KIAA0825: variants seen among roughly 807,000 people sequenced by gnomAD.
KIAA0825 encodes uncharacterized protein KIAA0825.
KIAA0825 carries 119 observed loss-of-function variants against 147.6 expected under a neutral mutation model. The observed-to-expected ratio is 0.81, with a 90% CI of 0.69 to 0.94. The LOEUF is 0.94. Ranked by LOEUF, KIAA0825 falls within the 40% of genes least tolerant of loss-of-function variation. KIAA0825 has a pLI of 0.00. For synonymous variants in KIAA0825, 470 were observed against 518.1 expected (o/e 0.91, Z 1.26); for missense variants, 1,381 against 1,472.7 (o/e 0.94, Z 1.02).
intron 20 of KIAA0825, among the ~76,000 whole-genome samples, chr5:94,221,380 C>T (rs1291749862): frequency 2.0e-5 from 3 of 152,218 alleles, no homozygotes; most frequent in Non-Finnish European, 4.4e-5. Flanking sequence ...ACAAGTTCCA[C>T]CAAACCATGC....
At chr5:94,255,192 C>T (rs540999697) in intron 20 of KIAA0825, among the ~76,000 whole-genome samples, 1 of 151,002 alleles carries the variant, frequency 6.6e-6, no homozygotes, top group East Asian at 2.0e-4. Context: ...AAATATATGA[C>T]TGTGGACCCT....
chr5:94,445,983 G>A (rs1757675349), intron 13 of KIAA0825, among the ~76,000 whole-genome samples: 1 of 152,158 alleles, frequency 6.6e-6, no homozygotes, highest in Non-Finnish European at 1.5e-5. Context: ...GTCCCGCAGA[G>A]CAGTTTTTCA....
At chr5:94,485,134 G>A (rs1309816010) in intron 5 of KIAA0825, among the ~76,000 whole-genome samples, 1 of 151,732 alleles carries the variant, frequency 6.6e-6, no homozygotes, top group Non-Finnish European at 1.5e-5. Context: ...TTCTGTTTCA[G>A]GCAAATATAG....
intron 20 of KIAA0825, among the ~76,000 whole-genome samples, chr5:94,252,392 C>T (rs1776007141): frequency 6.6e-6 from 1 of 151,760 alleles, no homozygotes; most frequent in Non-Finnish European, 1.5e-5. Context: ...TGCTAAATAA[C>T]TCTATACCTA....
intron 11 of KIAA0825, among the ~76,000 whole-genome samples, chr5:94,463,248 C>T (rs1760057844): frequency 6.6e-6 from 1 of 151,412 alleles, no homozygotes; most frequent in South Asian, 2.1e-4. Flanking sequence ...ATTGAACAGA[C>T]CTCAGTTAGT....
chr5:94,435,111 C>G (rs1214559801), intron 14 of KIAA0825, among the ~76,000 whole-genome samples: 1 of 151,520 alleles, frequency 6.6e-6, no homozygotes, highest in Admixed American at 6.6e-5. Context: ...GAAAAAAAAC[C>G]ACTATTTTTT....
chr5:94,400,429 T>C (rs1751225341), intron 16 of KIAA0825, among the ~76,000 whole-genome samples: 1 of 152,124 alleles, frequency 6.6e-6, no homozygotes. Context: ...CAGCACTTTG[T>C]GTATTTCTGT....
chr5:94,158,088 T>C (rs1323015954), intron 20 of KIAA0825, among the ~76,000 whole-genome samples: 1 of 152,190 alleles, frequency 6.6e-6, no homozygotes, highest in East Asian at 1.9e-4. Flanking sequence ...CACTCTGCCT[T>C]TGTGTTGAAT....
At chr5:94,480,396 T>G (rs1762363168) in intron 6 of KIAA0825, among the ~76,000 whole-genome samples, 1 of 152,076 alleles carries the variant, frequency 6.6e-6, no homozygotes, top group South Asian at 2.1e-4. Context: ...GTTTTCAGTT[T>G]TTTAGAACAG....
intron 14 of KIAA0825, among the ~76,000 whole-genome samples, chr5:94,438,113 A>G (rs889352090): frequency 6.6e-6 from 1 of 152,184 alleles, no homozygotes; most frequent in Non-Finnish European, 1.5e-5. Context: ...ATTCCGCTTC[A>G]GGGTTTAATT....
intron 20 of KIAA0825, among the ~76,000 whole-genome samples, chr5:94,328,713 T>G (rs1780957535): frequency 1.3e-5 from 2 of 152,056 alleles, no homozygotes; most frequent in South Asian, 4.1e-4. Context: ...CATTCTCCTT[T>G]GCTTGAAATG....
intron 20 of KIAA0825, among the ~76,000 whole-genome samples, chr5:94,172,963 C>T (rs550375400): frequency 2.0e-5 from 3 of 152,204 alleles, no homozygotes; most frequent in South Asian, 2.1e-4. Flanking sequence ...AGAGATACCT[C>T]ATAAATCAGG....
chr5:94,461,621 C>G (rs1465075741), intron 12 of KIAA0825, among the ~76,000 whole-genome samples: 4 of 151,846 alleles, frequency 2.6e-5, no homozygotes, highest in African/African-American at 9.7e-5. Flanking sequence ...CTTAGAATAT[C>G]TAATACAAAT....
At chr5:94,172,978 G>A (rs1052076458) in intron 20 of KIAA0825, among the ~76,000 whole-genome samples, 2 of 152,054 alleles carry the variant, frequency 1.3e-5, no homozygotes, top group Non-Finnish European at 2.9e-5. Flanking sequence ...ATCAGGGTTG[G>A]TATTTTACTG....
intron 20 of KIAA0825, among the ~76,000 whole-genome samples, chr5:94,295,027 TTCC>T (rs1317035379): frequency 6.6e-6 from 1 of 152,180 alleles, no homozygotes; most frequent in East Asian, 1.9e-4. Flanking sequence ...TCTAACTTGG[TTCC>T]ATTCACTTGT....
At chr5:94,372,455 T>A (rs1255827040) in intron 20 of KIAA0825, among the ~76,000 whole-genome samples, 2 of 152,196 alleles carry the variant, frequency 1.3e-5, no homozygotes, top group African/African-American at 2.4e-5. Flanking sequence ...CAACTTCAAT[T>A]CTTGTCTTCT....
chr5:94,522,038 T>C (rs1395229672), intron 4 of KIAA0825, among the ~76,000 whole-genome samples: 1 of 151,828 alleles, frequency 6.6e-6, no homozygotes, highest in Admixed American at 6.6e-5. Flanking sequence ...ACCCAATAAT[T>C]ATACCAAGAA....
At chr5:94,440,792 C>A (rs1756981368) in intron 13 of KIAA0825, among the ~76,000 whole-genome samples, 1 of 152,044 alleles carries the variant, frequency 6.6e-6, no homozygotes, top group Non-Finnish European at 1.5e-5. Context: ...TCACCACTTT[C>A]ATTTACCAAT....
chr5:94,429,751 G>A lies in KIAA0825; in HGVS notation c.2497+10231C>T, dbSNP rs1367324156. On this transcript the variant is annotated intron_variant, in intron 14 of 20. Coordinates refer to ENST00000682413, the MANE Select transcript of KIAA0825 (RefSeq NM_001145678.3). Reference sequence around the variant, plus strand: ...CCCGATGTCAGGCACAGGCATCAGTGCCAAGGGAAAATCCAATGAAGCAGC... The same window carrying A: ...CCCGATGTCAGGCACAGGCATCAGTACCAAGGGAAAATCCAATGAAGCAGC... Among the ~76,000 whole-genome samples, 6 of 152,330 alleles carry A rather than the reference G, an allele frequency of 3.9e-5. No individual in the cohort carries two copies. The East Asian group carries it at 9.7e-4, about 25-fold the overall frequency.
Sources: allele counts gnomAD v4.1 joint callset (sites outside exome capture counted in the v4.1 genomes callset), GRCh38; gene constraint gnomAD v4.1.1; transcripts MANE v1.5; gene names NCBI Gene and HGNC (gene_info 2026-07-23, HGNC 2026-07-21).